VEPH1: variants seen among roughly 807,000 people sequenced by gnomAD.
VEPH1 encodes the protein ventricular zone-expressed PH domain-containing protein homolog 1.
Under a neutral mutation model 85.2 loss-of-function variants are expected in VEPH1, and 80 were observed. The ratio of observed to expected loss-of-function variants is 0.94; its 90% CI spans 0.78 to 1.13. The LOEUF (loss-of-function observed/expected upper bound fraction) is 1.13. Ranked by LOEUF, VEPH1 falls within the 50% of genes most tolerant of loss-of-function variation. The pLI, the probability that VEPH1 is intolerant of heterozygous loss-of-function variation, is 0.00. For synonymous variants in VEPH1, 297 were observed against 348.0 expected, an observed-to-expected ratio of 0.85 and a Z score of 1.63; for missense variants, 955 against 980.5, an observed-to-expected ratio of 0.97 and a Z score of 0.35.
intron 9 of VEPH1, 40 bp from the exon 10 acceptor site, chr3:157,317,241 T>C (rs765809824): frequency 6.5e-7 from 1 of 1,544,498 alleles, no homozygotes. Context: ...TTATGGTCTT[T>C]CCAGAGTTAC....
At chr3:157,344,289 A>C (rs1577391040) in intron 9 of VEPH1, among the ~76,000 whole-genome samples, 1 of 152,222 alleles carries the variant, frequency 6.6e-6, no homozygotes, top group Admixed American at 6.5e-5. Flanking sequence ...CCATCATCTC[A>C]GCCCAAAATC....
intron 7 of VEPH1, among the ~76,000 whole-genome samples, chr3:157,373,615 C>T (rs1727752357): frequency 6.6e-6 from 1 of 152,128 alleles, no homozygotes; most frequent in Admixed American, 6.6e-5. Flanking sequence ...CAGCTGGCAC[C>T]CTGGCCCTCC....
rs753164602 is a variant in VEPH1, at chr3:157,313,762, G to C, written c.1876-7C>G. 6.2e-7 allele frequency: 1 copy of C among 1,614,000 alleles called. No homozygotes were observed. The highest frequency in any genetic ancestry group is 2.2e-5 in the East Asian group (1 of 44,870). ...GGGGTTCAGGAAACAGGCTCTGAAAGGGCATTAAAGACAGAAACAGAATAT... is the reference window on the plus strand; with the variant it reads ...GGGGTTCAGGAAACAGGCTCTGAAACGGCATTAAAGACAGAAACAGAATAT... On this transcript the variant is annotated splice_region_variant and splice_polypyrimidine_tract_variant and intron_variant, in intron 10 of 13. Transcript: ENST00000362010.
intron 9 of VEPH1, among the ~76,000 whole-genome samples, chr3:157,360,220 A>G (rs914033514): frequency 2.6e-5 from 4 of 152,148 alleles, no homozygotes; most frequent in Admixed American, 2.0e-4. Flanking sequence ...AGTAATAACA[A>G]TGTGTCCCCT....
At chr3:157,454,775 TC>T (rs1296337785) in intron 4 of VEPH1, among the ~76,000 whole-genome samples, 1 of 152,012 alleles carries the variant, frequency 6.6e-6, no homozygotes, top group African/African-American at 2.4e-5. Context: ...CCTCTTTCAG[TC>T]CCCCAGTGTC....
intron 4 of VEPH1, among the ~76,000 whole-genome samples, chr3:157,432,411 T>C (rs1208221391): frequency 6.6e-6 from 1 of 152,180 alleles, no homozygotes; most frequent in East Asian, 1.9e-4. Context: ...TATTCTCCTA[T>C]ATTTTCTCTT....
In VEPH1 at chr3:157,344,708, G is replaced by A. The variant is rs1311446813; in HGVS notation, c.1735+18656C>T. Among the ~76,000 whole-genome samples, 19 of 152,232 alleles carry A rather than the reference G, an allele frequency of 1.2e-4. No individual in the cohort carries two copies. The East Asian group carries it at 1.7e-3, about 14-fold the overall frequency. On this transcript the variant is annotated intron_variant, in intron 9 of 13. Coordinates refer to ENST00000362010, the MANE Select transcript of VEPH1 (RefSeq NM_001167912.2). ...TTCATATGGAACCAAAAAAGAGCCCGCATTGCCAAGACAGTCCTAAGCCAA... is the reference window on the plus strand; with the variant it reads ...TTCATATGGAACCAAAAAAGAGCCCACATTGCCAAGACAGTCCTAAGCCAA...
intron 7 of VEPH1, among the ~76,000 whole-genome samples, chr3:157,369,438 A>T (rs1006761602): frequency 6.6e-6 from 1 of 152,230 alleles, no homozygotes; most frequent in African/African-American, 2.4e-5. Context: ...GAGAATTCTC[A>T]CCGCAAAGAC....
At chr3:157,423,352 C>G (rs78690807) in intron 5 of VEPH1, among the ~76,000 whole-genome samples, 6,263 of 152,278 alleles carry the variant, frequency 0.041, 177 homozygotes, top group South Asian at 0.12. Flanking sequence ...AATGTTGTCC[C>G]TTGAAGCAAT....
At chr3:157,313,904 T>G in intron 10 of VEPH1, 149 bp from the exon 11 acceptor site, 1 of 1,051,076 alleles carries the variant, frequency 9.5e-7, no homozygotes, top group East Asian at 2.6e-5. Context: ...GTCTTAAAGA[T>G]CGAACATATG....
rs568410872 is a variant in VEPH1 at position 157,364,198 on chromosome 3, G to A, written c.1337+105C>T. On this transcript the variant is annotated intron_variant, in intron 8 of 13. Coordinates refer to ENST00000362010, the MANE Select transcript of VEPH1 (RefSeq NM_001167912.2). ...TCATGTAAGGATGGCACTTTGGGTG[G>A]CAATGGGTAAAAGATATATAAAAAA... is the stretch of plus-strand genomic sequence containing the variant. 6.8e-5 allele frequency: 55 copies of A among 814,104 alleles called. 2 individuals are homozygous for A. In the South Asian group the frequency reaches 8.0e-4, roughly 12 times the overall value. The allele number at this position is 814,104 out of a possible 1,614,324, so 50.4% of individuals were successfully genotyped here.
At chr3:157,498,366 G>A (rs985857031) in intron 1 of VEPH1, among the ~76,000 whole-genome samples, 2 of 152,108 alleles carry the variant, frequency 1.3e-5, no homozygotes, top group African/African-American at 2.4e-5. Flanking sequence ...AAGTGTAAAC[G>A]AGCCCTTTAT....
chr3:157,354,059 T>G (rs1013338961), intron 9 of VEPH1, among the ~76,000 whole-genome samples: 25 of 152,170 alleles, frequency 1.6e-4, no homozygotes, highest in African/African-American at 5.3e-4. Flanking sequence ...TAAACCTCAG[T>G]GTAAACTATG....
intron 11 of VEPH1, among the ~76,000 whole-genome samples, chr3:157,302,471 C>T (rs1292779528): frequency 6.6e-6 from 1 of 152,250 alleles, no homozygotes; most frequent in African/African-American, 2.4e-5. Context: ...TCCTCATAAA[C>T]GGGATTAGTG....
intron 9 of VEPH1, 162 bp downstream of exon 9, chr3:157,363,202 G>GAAAAAAA: frequency 2.1e-6 from 1 of 465,784 alleles, no homozygotes; most frequent in East Asian, 3.9e-5. Context: ...CTTTTCTTGG[G>GAAAAAAA]AAAAAAAAAA....
At chr3:157,304,023 T>TTATATATATATATATATATATA (rs1553761056) in intron 11 of VEPH1, among the ~76,000 whole-genome samples, 1 of 89,134 alleles carries the variant, frequency 1.1e-5, no homozygotes, top group Non-Finnish European at 2.1e-5. Context: ...CTTATATTTT[T>TTATATATATATATATATATATA]TATATATATA....
intron 1 of VEPH1, among the ~76,000 whole-genome samples, chr3:157,497,665 A>T (rs954930558): frequency 6.6e-6 from 1 of 152,152 alleles, no homozygotes; most frequent in Non-Finnish European, 1.5e-5. Flanking sequence ...AGCTCCAAGA[A>T]GGAGCAGTAA....
chr3:157,304,802 T>C (rs1719277264), intron 11 of VEPH1, among the ~76,000 whole-genome samples: 1 of 152,188 alleles, frequency 6.6e-6, no homozygotes, highest in Non-Finnish European at 1.5e-5. Context: ...TCCCATCAAC[T>C]AGAGCTATAT....
chr3:157,268,969 C>G (rs896946017), intron 12 of VEPH1, among the ~76,000 whole-genome samples: 1 of 152,010 alleles, frequency 6.6e-6, no homozygotes. Flanking sequence ...CAGGATGATA[C>G]CATGGTTTTA....
Sources: allele counts gnomAD v4.1 joint callset (sites outside exome capture counted in the v4.1 genomes callset), GRCh38; gene constraint gnomAD v4.1.1; transcripts MANE v1.5; gene names NCBI Gene and HGNC (gene_info 2026-07-23, HGNC 2026-07-21).